Variants in TEAD4 observed in about 807,000 individuals in gnomAD.
The protein encoded by TEAD4 is TEA domain transcription factor 4, also known as transcriptional enhancer factor TEF-3.
Under a neutral mutation model 52.4 loss-of-function variants are expected in TEAD4, and 36 were observed. That is an observed-to-expected ratio of 0.69 (90% CI 0.53 to 0.91). The LOEUF (loss-of-function observed/expected upper bound fraction) is 0.91, where lower values mean the gene tolerates loss of function less well. Among genes scored for constraint, TEAD4 ranks in the 40% least tolerant of loss-of-function variants. TEAD4 has a pLI of 0.00. For synonymous variants in TEAD4, 220 were observed against 231.0 expected (o/e 0.95, Z 0.43); for missense variants, 508 against 583.9 (o/e 0.87, Z 1.34).
chr12:3,037,022 CAG>C (rs1172140675), intron 10 of TEAD4, among the ~76,000 whole-genome samples: 1 of 152,140 alleles, frequency 6.6e-6, no homozygotes, highest in Non-Finnish European at 1.5e-5. Context: ...GAGATCAGCA[CAG>C]AGTCTTACTC....
intron 2 of TEAD4, among the ~76,000 whole-genome samples, chr12:2,976,482 T>C (rs2098229800): frequency 6.6e-6 from 1 of 152,186 alleles, no homozygotes; most frequent in Non-Finnish European, 1.5e-5. Context: ...TTCCTCTGGG[T>C]ACCTGTTTCC....
intron 3 of TEAD4, among the ~76,000 whole-genome samples, chr12:2,996,412 CT>C (rs34492810): frequency 0.071 from 10,254 of 145,052 alleles, 333 homozygotes; most frequent in Middle Eastern, 0.085. Flanking sequence ...CTCTCTCTCT[CT>C]TTTTTTTTTT....
chr12:2,978,193 G>T (rs1469116419), intron 2 of TEAD4, among the ~76,000 whole-genome samples: 1 of 151,846 alleles, frequency 6.6e-6, no homozygotes, highest in South Asian at 2.1e-4. Flanking sequence ...CTATCTCCTG[G>T]TGCGCTTTAA....
chr12:3,028,097 T>C (rs1338963055), intron 10 of TEAD4, among the ~76,000 whole-genome samples: 1 of 152,206 alleles, frequency 6.6e-6, no homozygotes, highest in Non-Finnish European at 1.5e-5. Flanking sequence ...ATGTGGTCTT[T>C]TGTGACTGGC....
At chr12:2,997,805 C>CG (rs61027088) in intron 3 of TEAD4, among the ~76,000 whole-genome samples, 16,339 of 120,444 alleles carry the variant, frequency 0.14, 1,720 homozygotes, top group African/African-American at 0.27. Flanking sequence ...CTTGCTTTTT[C>CG]GGGGGGGGGG....
chr12:2,981,213 C>T (rs952091076), intron 2 of TEAD4, among the ~76,000 whole-genome samples: 4 of 152,212 alleles, frequency 2.6e-5, no homozygotes, highest in African/African-American at 9.7e-5. Context: ...TGCCTGTATC[C>T]GTCCTGCAGG....
At chr12:2,964,540 G>A (rs894830256) in intron 2 of TEAD4, among the ~76,000 whole-genome samples, 1 of 150,910 alleles carries the variant, frequency 6.6e-6, no homozygotes, top group Non-Finnish European at 1.5e-5. Context: ...ACACCACAAC[G>A]TCTGCCTCCT....
At chr12:2,962,897 C>G (rs922225308) in intron 2 of TEAD4, among the ~76,000 whole-genome samples, 1 of 152,162 alleles carries the variant, frequency 6.6e-6, no homozygotes, top group Non-Finnish European at 1.5e-5. Flanking sequence ...CTGTCTCCTG[C>G]CCTGTGGATT....
chr12:2,973,201 A>C (rs1226006347), intron 2 of TEAD4, among the ~76,000 whole-genome samples: 1 of 152,122 alleles, frequency 6.6e-6, no homozygotes, highest in Middle Eastern at 3.2e-3. Flanking sequence ...CCTCTTGAGT[A>C]GTGGAGACCA....
intron 3 of TEAD4, among the ~76,000 whole-genome samples, chr12:2,996,652 C>T (rs545844595): frequency 1.2e-4 from 18 of 152,266 alleles, no homozygotes; most frequent in Admixed American, 7.8e-4. Context: ...TCAGGTGATC[C>T]GCCCACCTTG....
chr12:2,992,900 G>A (rs1230471315), intron 2 of TEAD4, among the ~76,000 whole-genome samples: 1 of 152,126 alleles, frequency 6.6e-6, no homozygotes, highest in Non-Finnish European at 1.5e-5. Context: ...GATGGTTGGA[G>A]CCAAGAGGTC....
intron 2 of TEAD4, among the ~76,000 whole-genome samples, chr12:2,985,652 CG>C (rs1565529617): frequency 6.6e-6 from 1 of 151,120 alleles, no homozygotes; most frequent in East Asian, 2.1e-4. Context: ...ATTATAGGTG[CG>C]CACCATCATG....
intron 3 of TEAD4, among the ~76,000 whole-genome samples, chr12:3,001,271 T>A (rs192925194): frequency 1.4e-4 from 21 of 152,366 alleles, no homozygotes; most frequent in Admixed American, 1.3e-3. Context: ...ATTTAAGCCA[T>A]TTTTATGTGT....
At chr12:2,998,151 C>T (rs1281284582) in intron 3 of TEAD4, among the ~76,000 whole-genome samples, 2 of 152,150 alleles carry the variant, frequency 1.3e-5, no homozygotes, top group Non-Finnish European at 2.9e-5. Context: ...CAACGTTTAT[C>T]TGTATTATAA....
intron 6 of TEAD4, 132 bp downstream of exon 6, chr12:3,017,658 A>G: frequency 1.5e-6 from 2 of 1,322,940 alleles, no homozygotes; most frequent in Non-Finnish European, 2.0e-6. Flanking sequence ...GCAGTCAGGG[A>G]AGGAGGGAAC....
At chr12:3,017,923 G>A (rs1289490774) in intron 6 of TEAD4, among the ~76,000 whole-genome samples, 2 of 152,180 alleles carry the variant, frequency 1.3e-5, no homozygotes, top group Non-Finnish European at 2.9e-5. Context: ...CCTGCCAGGT[G>A]GAGAGCTGGT....
chr12:3,024,966 A>G (rs897254285), intron 10 of TEAD4, among the ~76,000 whole-genome samples: 16 of 147,490 alleles, frequency 1.1e-4, no homozygotes, highest in African/African-American at 4.0e-4. Flanking sequence ...TTTTTTTGAG[A>G]CAGAGTCTTA....
chr12:2,994,868 C>T lies in TEAD4; in HGVS notation c.102C>T (p.Pro34=). 3 of 1,614,138 alleles carry T rather than the reference C, an allele frequency of 1.9e-6. No individual in the cohort carries two copies. The highest frequency in any genetic ancestry group is 2.5e-6 in the Non-Finnish European group (3 of 1,180,028). Residue 34 remains proline (P), a synonymous_variant, in exon 3 of 13, where the codon CCC becomes CCT. Transcript: ENST00000359864. This position sits in a 1 kb window ranked among gnomAD's most constrained non-coding sequence, Gnocchi z 4.7. ...GGGGCAGTCAGGCACTGGACAAGCC[C>T]ATCGACAATGACGCAGAGGGCGTGT...
intron 10 of TEAD4, among the ~76,000 whole-genome samples, chr12:3,024,385 A>G (rs1327460099): frequency 6.6e-6 from 1 of 152,238 alleles, no homozygotes; most frequent in East Asian, 1.9e-4. Context: ...CCAAAGAGCC[A>G]AGAACGGGCT....
Sources: gnomAD v4.1 joint callset for allele counts (sites outside exome capture counted in the v4.1 genomes callset) on GRCh38, gnomAD v4.1.1 for gene constraint, Gnocchi (gnomAD v3.1) non-coding constraint, MANE v1.5 for transcripts, NCBI Gene and HGNC (gene_info 2026-07-23, HGNC 2026-07-21) for gene names.